Variants in MYO5B observed in about 807,000 individuals in gnomAD.
MYO5B encodes unconventional myosin-Vb.
Under a neutral mutation model 229.3 loss-of-function variants are expected in MYO5B, and 143 were observed. The observed-to-expected ratio is 0.62, with a 90% CI of 0.54 to 0.72. MYO5B has a LOEUF of 0.72. Ranked by LOEUF, MYO5B falls within the 30% of genes least tolerant of loss-of-function variation. MYO5B has a pLI of 0.00. For missense variants in MYO5B, 2,321 were observed against 2,331.0 expected, an observed-to-expected ratio of 1.00 and a Z score of 0.09; for synonymous variants, 918 against 885.2, an observed-to-expected ratio of 1.04 and a Z score of -0.66.
intron 4 of MYO5B, among the ~76,000 whole-genome samples, chr18:50,035,115 G>C (rs748530056): frequency 6.6e-6 from 1 of 152,150 alleles, no homozygotes; most frequent in South Asian, 2.1e-4. Context: ...CTTCAGGCAC[G>C]GCAGAGAAGA....
intron 22 of MYO5B, among the ~76,000 whole-genome samples, chr18:49,890,245 T>C (rs2024694124): frequency 6.6e-6 from 1 of 152,204 alleles, no homozygotes; most frequent in Admixed American, 6.5e-5. Flanking sequence ...CACTTTGTGG[T>C]GTCAGGGCTG....
intron 17 of MYO5B, among the ~76,000 whole-genome samples, chr18:49,923,643 C>T (rs1001185735): frequency 9.2e-5 from 14 of 152,200 alleles, no homozygotes; most frequent in African/African-American, 3.1e-4. Context: ...TCTGCCTGAG[C>T]ATGGTCTATG....
intron 1 of MYO5B, among the ~76,000 whole-genome samples, chr18:50,192,987 T>C (rs1023816470): frequency 6.6e-6 from 1 of 152,180 alleles, no homozygotes; most frequent in African/African-American, 2.4e-5. Flanking sequence ...CTTTGACACA[T>C]TGTAGGTATA....
intron 19 of MYO5B, 60 bp from the exon 20 acceptor site, chr18:49,904,888 AGAACCCTGAGACATCTGCAAAT>A: frequency 6.3e-7 from 1 of 1,585,404 alleles, no homozygotes; most frequent in Non-Finnish European, 8.6e-7. Flanking sequence ...CCTGATGCAG[AGAACCCTGAGACATCTGCAAAT>A]GCAAACCTCT....
chr18:50,177,558 T>G (rs1356146241), intron 1 of MYO5B, among the ~76,000 whole-genome samples: 1 of 152,234 alleles, frequency 6.6e-6, no homozygotes, highest in Non-Finnish European at 1.5e-5. Context: ...CTGTAAGTCC[T>G]GCTCTCCTTA....
Position 49,880,435 on chromosome 18 carries a change from T to C in MYO5B, c.3066A>G (p.Gln1022=), listed in dbSNP as rs1220147364. ...ELRKRVADLE[Q]ENALLKDEKE... Reference sequence around the variant, plus strand: ...TCTCATCTTTCAAGAGAGCATTTTCTTGCTCCAGGTCTGCAACTCGCTGGA... The same window carrying C: ...TCTCATCTTTCAAGAGAGCATTTTCCTGCTCCAGGTCTGCAACTCGCTGGA... The change falls in exon 23 of 40, where the codon CAA becomes CAG. Residue 1022 remains glutamine, a synonymous_variant. Transcript: ENST00000285039. 10 of 1,614,000 alleles carry C rather than the reference T, an allele frequency of 6.2e-6. No homozygotes were observed. Among genetic ancestry groups the C allele is most frequent in the African/African-American group, 1.3e-5 (1 of 74,930 alleles).
At chr18:49,996,738 C>G (rs1276475980) in intron 5 of MYO5B, among the ~76,000 whole-genome samples, 1 of 152,120 alleles carries the variant, frequency 6.6e-6, no homozygotes, top group African/African-American at 2.4e-5. Context: ...GGGAAAAGCT[C>G]TAAGAAGTGG....
intron 1 of MYO5B, among the ~76,000 whole-genome samples, chr18:50,172,511 C>T (rs2032934288): frequency 6.6e-6 from 1 of 152,196 alleles, no homozygotes; most frequent in East Asian, 1.9e-4. Flanking sequence ...AAGCAAGACT[C>T]TCATGCAGTG....
chr18:50,066,110 T>C (rs186120793), intron 1 of MYO5B, among the ~76,000 whole-genome samples: 1 of 152,204 alleles, frequency 6.6e-6, no homozygotes, highest in Admixed American at 6.5e-5. Context: ...ATTTCAAACA[T>C]GGGAAAGGAC....
Position 50,001,321 on chromosome 18 carries a change from G to A in MYO5B, c.546C>T (p.Thr182=), listed in dbSNP as rs935971328. ...TGGTTTCACTGGCCGAGCCACCAAC[G>A]GTGGCGAAATAGCGCATGGCATACT... is the stretch of plus-strand genomic sequence containing the variant. ...SAKYAMRYFA[T]VGGSASETNI... The change falls in exon 5 of 40, where the codon ACC becomes ACT. Residue 182 remains threonine, a synonymous_variant. Coordinates refer to ENST00000285039, the MANE Select transcript of MYO5B (RefSeq NM_001080467.3). 2.4e-5 allele frequency: 38 copies of A among 1,614,086 alleles called. No individual in the cohort carries two copies. The highest frequency in any genetic ancestry group is 9.3e-5 in the African/African-American group (7 of 74,938).
chr18:49,864,383 G>A lies in MYO5B; in HGVS notation c.3604-3C>T. On this transcript the variant is annotated splice_region_variant and splice_polypyrimidine_tract_variant and intron_variant, in intron 27 of 39. Coordinates refer to ENST00000285039, the MANE Select transcript of MYO5B (RefSeq NM_001080467.3). ...TTCTCTGACTCCAGCTCTTGCCTCT[G>A]GAAGACAGCCCAAGGGCCGCTGCCA... The A allele has an allele frequency of 6.2e-7, 1 of 1,612,922 alleles. No homozygotes were observed. Among genetic ancestry groups the A allele is most frequent in the Non-Finnish European group, 8.5e-7 (1 of 1,180,048 alleles).
At chr18:49,869,778 G>A (rs1254998750) in intron 27 of MYO5B, among the ~76,000 whole-genome samples, 2 of 151,788 alleles carry the variant, frequency 1.3e-5, no homozygotes, top group Non-Finnish European at 1.5e-5. Context: ...AAGACAGATG[G>A]GTGGGCCCTA....
intron 5 of MYO5B, among the ~76,000 whole-genome samples, chr18:49,994,928 T>C (rs1293884570): frequency 6.6e-6 from 1 of 152,150 alleles, no homozygotes; most frequent in Non-Finnish European, 1.5e-5. Flanking sequence ...CCCCTTATAA[T>C]CTCATTTAAT....
intron 12 of MYO5B, among the ~76,000 whole-genome samples, chr18:49,961,649 A>C (rs1357314760): frequency 6.6e-6 from 1 of 152,184 alleles, no homozygotes; most frequent in Non-Finnish European, 1.5e-5. Context: ...CCACTGGGAG[A>C]GATTTTGCAG....
intron 14 of MYO5B, among the ~76,000 whole-genome samples, chr18:49,948,473 A>G (rs11874472): frequency 0.36 from 54,000 of 152,102 alleles, 10,685 homozygotes; most frequent in Middle Eastern, 0.58. Flanking sequence ...TCAACTAAAA[A>G]GTTATCCTAC....
chr18:49,977,739 C>T (rs2025767695), intron 9 of MYO5B, among the ~76,000 whole-genome samples: 1 of 152,186 alleles, frequency 6.6e-6, no homozygotes, highest in African/African-American at 2.4e-5. Context: ...ATTTTTTCCT[C>T]CCCTGTACAG....
At chr18:49,952,491 G>C (rs1787286) in intron 14 of MYO5B, among the ~76,000 whole-genome samples, 72 of 152,078 alleles carry the variant, frequency 4.7e-4, no homozygotes, top group African/African-American at 1.7e-3. Context: ...GTTACCTGTG[G>C]GTGTCTTCAT....
At chr18:50,051,079 G>A (rs1250245200) in intron 2 of MYO5B, among the ~76,000 whole-genome samples, 2 of 152,222 alleles carry the variant, frequency 1.3e-5, no homozygotes, top group Non-Finnish European at 2.9e-5. Flanking sequence ...CCAAGATAGT[G>A]ATTCCACATA....
At position 50,036,960 on chromosome 18, in the gene MYO5B, C is replaced by A. The variant is rs2026454898; in HGVS notation, c.345G>T (p.Gln115His). 4 of 1,614,150 alleles carry A rather than the reference C, an allele frequency of 2.5e-6. No individual in the cohort carries two copies. Among genetic ancestry groups the A allele is most frequent in the Non-Finnish European group, 3.4e-6 (4 of 1,180,032 alleles). The change falls in exon 4 of 40, where the codon CAG becomes CAT. Residue 115 changes from glutamine to histidine, a missense_variant. Physicochemically the swap from Gln to His is conservative, Grantham distance 24. This residue lies in a region of MYO5B where 2,113 missense variants were observed against 2,044.7 expected (regional missense o/e 1.03). Transcript: ENST00000285039. ...TGACATCTTGTCCATAGATTGGCAA[C>A]TGTTCATAAGGATTAATGGCAACAA... is the stretch of plus-strand genomic sequence containing the variant. ...IVLVAINPYE[Q>H]LPIYGQDVIY...
Sources: gnomAD v4.1 joint callset for allele counts (sites outside exome capture counted in the v4.1 genomes callset) on GRCh38, gnomAD v4.1.1 for gene constraint, gnomAD v4.1.1 regional missense constraint, MANE v1.5 for transcripts, NCBI Gene and HGNC (gene_info 2026-07-23, HGNC 2026-07-21) for gene names.